Variants in SASH1 observed in about 807,000 individuals in gnomAD.
SASH1 encodes SAM and SH3 domain-containing protein 1.
SASH1 carries 44 observed loss-of-function variants against 125.2 expected under a neutral mutation model. The observed-to-expected ratio is 0.35, with a 90% confidence interval of 0.28 to 0.45. The LOEUF is 0.45. Ranked by LOEUF, SASH1 falls within the 20% of genes least tolerant of loss-of-function variation. SASH1 has a pLI of 1.00. For missense variants in SASH1, 1,426 were observed against 1,614.5 expected (o/e 0.88, Z 2.00); for synonymous variants, 639 against 649.1 (o/e 0.98, Z 0.24).
At chr6:148,508,683 G>A in intron 8 of SASH1, 1 of 1,177,050 alleles carries the variant, frequency 8.5e-7, no homozygotes, top group Non-Finnish European at 1.1e-6. Flanking sequence ...TTCTCCTTCG[G>A]ATACTGAGCT....
intron 1 of SASH1, among the ~76,000 whole-genome samples, chr6:148,385,653 C>G (rs946752541): frequency 3.3e-5 from 5 of 152,132 alleles, no homozygotes; most frequent in Admixed American, 3.3e-4. Flanking sequence ...AGCTGATAGT[C>G]ATTGGCCTTT....
At chr6:148,340,139 A>C (rs1374590979), upstream of SASH1, among the ~76,000 whole-genome samples, 1 of 152,148 alleles carries the variant, frequency 6.6e-6, no homozygotes, top group African/African-American at 2.4e-5. Flanking sequence ...GTTTATGTAG[A>C]GAACAGGCTG....
chr6:148,485,192 C>T (rs990245498), intron 7 of SASH1, among the ~76,000 whole-genome samples: 4 of 152,022 alleles, frequency 2.6e-5, no homozygotes, highest in Non-Finnish European at 4.4e-5. Flanking sequence ...GGACTAGAGA[C>T]CTGAAGACAT....
rs894094753 is a variant in SASH1 at position 148,549,502 on chromosome 6, A to C, written c.*944A>C. 6 of 397,166 alleles carry C rather than the reference A, an allele frequency of 1.5e-5. No homozygotes were observed. The highest frequency in any genetic ancestry group is 2.7e-5 in the Non-Finnish European group (6 of 225,182). 24.6% of individuals were successfully genotyped at this position (397,166 alleles called of 1,614,324 possible). On this transcript the variant is annotated 3_prime_UTR_variant, in exon 20 of 20. Transcript: ENST00000367467. Reference sequence around the variant, plus strand: ...GTTACTGTGTGGATCGTCGCGCTGCAGTATTGACTTGGAATCCTGACCATG... The same window carrying C: ...GTTACTGTGTGGATCGTCGCGCTGCCGTATTGACTTGGAATCCTGACCATG...
intron 2 of SASH1, chr6:148,393,627 A>G: frequency 1.2e-6 from 1 of 808,670 alleles, no homozygotes. Context: ...ATTTTGATTT[A>G]TTATTTAGAT....
chr6:148,519,909 G>A lies in SASH1; in HGVS notation c.1209+16G>A. The stretch of plus-strand genomic sequence containing the variant: ...AAGCCACGGGGTAAGTACGGATGGT[G>A]TTTGCTTCTATGACAACCACCGTCG... On this transcript the variant is annotated intron_variant, in intron 10 of 19. Coordinates refer to ENST00000367467, the MANE Select transcript of SASH1 (RefSeq NM_015278.5). The surrounding 1 kb of genome is among the most constrained non-coding windows in gnomAD (Gnocchi z 4.8). The A allele has an allele frequency of 1.3e-6, 2 of 1,521,272 alleles. No homozygotes were observed. Among genetic ancestry groups the A allele is most frequent in the East Asian group, 4.9e-5 (2 of 40,884 alleles). The allele number at this position is 1,521,272 out of a possible 1,614,324, so 94.2% of individuals were successfully genotyped here.
At chr6:148,439,454 A>G (rs1254136530) in intron 2 of SASH1, among the ~76,000 whole-genome samples, 1 of 152,222 alleles carries the variant, frequency 6.6e-6, no homozygotes, top group Non-Finnish European at 1.5e-5. Flanking sequence ...CTCCTAAGCT[A>G]TTAAGTGCTC....
At chr6:148,274,966 A>T (rs1779146527) in intron 1 of SASH1, among the ~76,000 whole-genome samples, 5 of 152,250 alleles carry the variant, frequency 3.3e-5, no homozygotes, top group South Asian at 4.2e-4. Context: ...GACACCAGGG[A>T]TTCAATGACC....
At chr6:148,479,029 A>G (rs1453674047) in intron 7 of SASH1, 2 of 149,230 alleles carry the variant, frequency 1.3e-5, no homozygotes, top group South Asian at 2.1e-4. Flanking sequence ...TCCTGGAGAG[A>G]GATGAGACTG....
rs1388178090 is a variant in SASH1, at chr6:148,381,084, C to T, written c.157-9050C>T. On this transcript the variant is annotated intron_variant, in intron 1 of 19. Coordinates refer to ENST00000367467, the MANE Select transcript of SASH1 (RefSeq NM_015278.5). ...AGCTTTCCTCAGTTTCTTCATCATA[C>T]GTGAAAATCACTGTGCTGTGCAGAG... is the stretch of plus-strand genomic sequence containing the variant. 2.6e-5 allele frequency among the ~76,000 whole-genome samples: 4 copies of T among 152,144 alleles called. No homozygotes were observed. The East Asian group carries it at 5.8e-4, about 22-fold the overall frequency.
At chr6:148,203,944 A>G in the SASH1 span, among the ~76,000 whole-genome samples, 8 of 152,148 alleles carry the variant, frequency 5.3e-5, no homozygotes, top group Non-Finnish European at 1.0e-4. Flanking sequence ...GGGAACATGC[A>G]TGTGTTTTAC....
At chr6:148,382,828 G>A (rs1456266350) in intron 1 of SASH1, among the ~76,000 whole-genome samples, 1 of 152,216 alleles carries the variant, frequency 6.6e-6, no homozygotes, top group Non-Finnish European at 1.5e-5. Flanking sequence ...TTTGGAGAGA[G>A]GGGATGGAAG....
rs999339996 is a variant in SASH1 at position 148,529,040 on chromosome 6, G to A, written c.1428+1444G>A. Among the ~76,000 whole-genome samples the A allele has an allele frequency of 3.9e-5, 6 of 152,066 alleles. No individual in the cohort carries two copies. Among genetic ancestry groups the A allele is most frequent in the Admixed American group, 6.6e-5 (1 of 15,262 alleles). On this transcript the variant is annotated intron_variant, in intron 12 of 19. Transcript: ENST00000367467. This position sits in a 1 kb window ranked among gnomAD's most constrained non-coding sequence, Gnocchi z 4.2. ...TTCACAATAGGATTCGTGCTCCTACGAGAATCTAATACCGCCGCTGATCTG... is the reference window on the plus strand; with the variant it reads ...TTCACAATAGGATTCGTGCTCCTACAAGAATCTAATACCGCCGCTGATCTG...
intron 1 of SASH1, among the ~76,000 whole-genome samples, chr6:148,284,472 T>C (rs1033941953): frequency 1.3e-5 from 2 of 152,204 alleles, no homozygotes; most frequent in Admixed American, 1.3e-4. Context: ...TTCTACTGTA[T>C]GAAAATTAAA....
intron 11 of SASH1, 72 bp downstream of exon 11, chr6:148,525,437 A>G (rs1781087256): frequency 6.8e-6 from 8 of 1,182,112 alleles, no homozygotes; most frequent in Admixed American, 5.1e-5. Flanking sequence ...ACCATTGAGT[A>G]TCTTTGAGAA....
intron 1 of SASH1, among the ~76,000 whole-genome samples, chr6:148,287,667 T>A (rs1043177853): frequency 1.4e-5 from 2 of 148,036 alleles, no homozygotes; most frequent in Non-Finnish European, 3.0e-5. Context: ...TGTGTGTACA[T>A]GCCTGTAATC....
intron 1 of SASH1, among the ~76,000 whole-genome samples, chr6:148,356,677 G>A (rs1166854796): frequency 6.6e-6 from 1 of 151,380 alleles, no homozygotes; most frequent in Non-Finnish European, 1.5e-5. Flanking sequence ...CTGGTCTCGA[G>A]CTCCTGACCT....
chr6:148,245,321 C>T, the SASH1 span, among the ~76,000 whole-genome samples: 2 of 152,268 alleles, frequency 1.3e-5, no homozygotes, highest in East Asian at 3.9e-4. Flanking sequence ...ATAATAAAAT[C>T]GGTTCTTGGT....
chr6:148,419,922 A>G (rs1194076063), intron 2 of SASH1, among the ~76,000 whole-genome samples: 2 of 152,216 alleles, frequency 1.3e-5, no homozygotes, highest in Non-Finnish European at 2.9e-5. Flanking sequence ...TTTTCATGCT[A>G]CAGGAAAGGA....
Sources: allele counts gnomAD v4.1 joint callset (sites outside exome capture counted in the v4.1 genomes callset), GRCh38; gene constraint gnomAD v4.1.1; non-coding constraint Gnocchi (gnomAD v3.1); transcripts MANE v1.5; gene names NCBI Gene and HGNC (gene_info 2026-07-23, HGNC 2026-07-21).